Variants in LIPI observed in about 807,000 individuals in gnomAD.
LIPI encodes the protein lipase I.
A neutral mutation model predicts 50.6 loss-of-function variants in LIPI; 59 were observed. That is an observed-to-expected ratio of 1.16 (90% CI 0.94 to 1.45). The LOEUF (loss-of-function observed/expected upper bound fraction) is 1.45, where lower values mean the gene tolerates loss of function less well. LIPI is among the 40% of genes most tolerant of loss of function. The probability of loss-of-function intolerance (pLI) is 0.00; values close to 1 mark genes in which losing one functional copy is unlikely to be tolerated. For missense variants in LIPI, 586 were observed against 536.3 expected, an observed-to-expected ratio of 1.09 and a Z score of -0.92; for synonymous variants, 203 against 178.2, an observed-to-expected ratio of 1.14 and a Z score of -1.11.
At chr21:14,136,901 T>C (rs1248305202) in intron 9 of LIPI, among the ~76,000 whole-genome samples, 2 of 151,922 alleles carry the variant, frequency 1.3e-5, no homozygotes, top group Non-Finnish European at 2.9e-5. Flanking sequence ...TATGGGAAAA[T>C]ATAAGGAAAG....
intron 1 of LIPI, among the ~76,000 whole-genome samples, chr21:14,201,416 C>T (rs1351893603): frequency 6.6e-6 from 1 of 151,746 alleles, no homozygotes; most frequent in Non-Finnish European, 1.5e-5. Flanking sequence ...AACAAATTTA[C>T]AAGAATAAAA....
chr21:14,206,989 T>A, intron 1 of LIPI: 1 of 1,087,834 alleles, frequency 9.2e-7, no homozygotes, highest in Admixed American at 1.7e-5. Flanking sequence ...AGGAAGACCC[T>A]TTTGGGCCAG....
intron 1 of LIPI, among the ~76,000 whole-genome samples, chr21:14,207,463 T>C (rs561444219): frequency 6.6e-6 from 1 of 152,144 alleles, no homozygotes; most frequent in East Asian, 1.9e-4. Flanking sequence ...AAAAACAAGA[T>C]AGTCAGCAAC....
In LIPI at chr21:14,186,024, A is replaced by G. The variant is rs1354436652; in HGVS notation, c.478T>C (p.Leu160=). Residue 160 remains leucine (L), a synonymous_variant, in exon 3 of 10, where the codon TTA becomes CTA. Transcript: ENST00000681601. ...LDNFHFIGVS[L]GAHISGFVGK... ...ACAAATCCACTGATATGAGCCCCTA[A>G]GCTCACACCTATGAAATGAAAATTG... 2 of 1,608,134 alleles carry G rather than the reference A, an allele frequency of 1.2e-6. No individual in the cohort carries two copies. Among genetic ancestry groups the G allele is most frequent in the Non-Finnish European group, 1.7e-6 (2 of 1,174,876 alleles).
intron 4 of LIPI, among the ~76,000 whole-genome samples, chr21:14,167,764 A>G (rs907813415): frequency 6.6e-6 from 1 of 152,196 alleles, no homozygotes; most frequent in Admixed American, 6.5e-5. Flanking sequence ...AAAAATGGGG[A>G]AAAAACAGAG....
rs2019280609 is a variant in LIPI, at chr21:14,181,826, T to C, written c.575A>G (p.Lys192Arg). The C allele has an allele frequency of 1.9e-6, 3 of 1,612,516 alleles. No individual in the cohort carries two copies. In the African/African-American group the frequency reaches 4.0e-5, roughly 22 times the overall value. Residue 192 changes from lysine (K) to arginine (R), a missense_variant, in exon 4 of 10, where the codon AAA becomes AGA. Physicochemically the swap from Lys to Arg is conservative, Grantham distance 26 (BLOSUM62 2). Coordinates refer to ENST00000681601, the MANE Select transcript of LIPI (RefSeq NM_001302998.2). Reference sequence around the variant, plus strand: ...GTAATCTAATCTGCTATATGGTGGTTTTCTGGAGAACCTTGGCCCAGCAGG... The same window carrying C: ...GTAATCTAATCTGCTATATGGTGGTCTTCTGGAGAACCTTGGCCCAGCAGG... ...LDPAGPRFSR[K>R]PPYSRLDYTD...
intron 9 of LIPI, among the ~76,000 whole-genome samples, chr21:14,114,007 G>A (rs2016518514): frequency 6.6e-6 from 1 of 152,030 alleles, no homozygotes; most frequent in Non-Finnish European, 1.5e-5. Context: ...CTAACATGGT[G>A]AAACCCTGTC....
At chr21:14,156,385 A>T (rs1319575620) in intron 7 of LIPI, among the ~76,000 whole-genome samples, 1 of 151,866 alleles carries the variant, frequency 6.6e-6, no homozygotes, top group African/African-American at 2.4e-5. Context: ...ATGATATAAT[A>T]TGAAGACTCA....
intron 9 of LIPI, among the ~76,000 whole-genome samples, chr21:14,124,527 C>G (rs1261016999): frequency 2.0e-5 from 3 of 152,118 alleles, no homozygotes; most frequent in African/African-American, 7.2e-5. Context: ...CCTGCTTCAC[C>G]TCTCTAGGGC....
intron 9 of LIPI, among the ~76,000 whole-genome samples, chr21:14,141,537 G>T (rs78743418): frequency 1.3e-3 from 205 of 152,058 alleles, no homozygotes; most frequent in African/African-American, 4.7e-3. Flanking sequence ...TCTGTTTCCT[G>T]TTATAAATCT....
At chr21:14,169,623 T>C (rs1399408504) in intron 4 of LIPI, among the ~76,000 whole-genome samples, 1 of 152,144 alleles carries the variant, frequency 6.6e-6, no homozygotes, top group Non-Finnish European at 1.5e-5. Context: ...ACTGGGTACA[T>C]AACGAAATGA....
At chr21:14,209,296 G>A (rs926848624) in intron 1 of LIPI, among the ~76,000 whole-genome samples, 4 of 151,988 alleles carry the variant, frequency 2.6e-5, no homozygotes, top group African/African-American at 9.7e-5. Context: ...TCGGAATGTC[G>A]TTTCTTTATT....
chr21:14,188,307 C>A (rs1439800120), intron 2 of LIPI, among the ~76,000 whole-genome samples: 5 of 152,074 alleles, frequency 3.3e-5, no homozygotes, highest in African/African-American at 7.2e-5. Flanking sequence ...TGATTTTTTG[C>A]CTGTAATCCC....
At chr21:14,122,982 C>G (rs1479889866) in intron 9 of LIPI, among the ~76,000 whole-genome samples, 2 of 152,196 alleles carry the variant, frequency 1.3e-5, no homozygotes, top group Non-Finnish European at 2.9e-5. Flanking sequence ...CCTATTTACT[C>G]AGCTAGCTGA....
chr21:14,208,013 C>T (rs118512), intron 1 of LIPI, among the ~76,000 whole-genome samples: 21,204 of 152,104 alleles, frequency 0.14, 1,950 homozygotes, highest in South Asian at 0.21. Flanking sequence ...TCACATGATC[C>T]TTGTTTAAAG....
At chr21:14,161,887 T>C (rs1198105996) in intron 7 of LIPI, among the ~76,000 whole-genome samples, 1 of 127,950 alleles carries the variant, frequency 7.8e-6, no homozygotes, top group Non-Finnish European at 1.6e-5. Flanking sequence ...ATATATTATA[T>C]TAATATAATA....
chr21:14,173,754 C>T (rs1053825269), intron 4 of LIPI, among the ~76,000 whole-genome samples: 1 of 151,782 alleles, frequency 6.6e-6, no homozygotes, highest in Non-Finnish European at 1.5e-5. Context: ...GAACACTGGG[C>T]ATGTACACTG....
intron 9 of LIPI, among the ~76,000 whole-genome samples, chr21:14,128,865 C>G (rs974993129): frequency 6.6e-6 from 1 of 152,034 alleles, no homozygotes; most frequent in Non-Finnish European, 1.5e-5. Context: ...GTGATCAGAG[C>G]CTTCCTATAT....
intron 9 of LIPI, among the ~76,000 whole-genome samples, chr21:14,137,848 G>A (rs1414247088): frequency 6.6e-6 from 1 of 152,070 alleles, no homozygotes; most frequent in Non-Finnish European, 1.5e-5. Context: ...TAAAAAAAGG[G>A]ACCTAAGAGC....
Sources: allele counts gnomAD v4.1 joint callset (sites outside exome capture counted in the v4.1 genomes callset), GRCh38; gene constraint gnomAD v4.1.1; transcripts MANE v1.5; gene names NCBI Gene and HGNC (gene_info 2026-07-23, HGNC 2026-07-21).